The following ZRANB3 variants were observed in gnomAD, a reference collection of about 807,000 sequenced individuals.
ZRANB3 encodes zinc finger RANBP2-type containing 3, also known as DNA annealing helicase and endonuclease ZRANB3.
Under a neutral mutation model 133.8 loss-of-function variants are expected in ZRANB3, and 125 were observed. The ratio of observed to expected loss-of-function variants is 0.93; its 90% CI spans 0.81 to 1.08. The LOEUF is 1.08. ZRANB3 is among the 50% of genes least tolerant of loss of function. The probability of loss-of-function intolerance (pLI) is 0.00; values close to 1 mark genes in which losing one functional copy is unlikely to be tolerated. For synonymous variants in ZRANB3, 387 were observed against 432.7 expected (o/e 0.89, Z 1.31); for missense variants, 1,229 against 1,275.5 (o/e 0.96, Z 0.56).
At chr2:135,254,646 A>T (rs909105316) in intron 12 of ZRANB3, among the ~76,000 whole-genome samples, 3 of 152,160 alleles carry the variant, frequency 2.0e-5, no homozygotes, top group African/African-American at 7.2e-5. Context: ...CTTTATTGAG[A>T]TATAATCCAT....
intron 1 of ZRANB3, among the ~76,000 whole-genome samples, chr2:135,509,882 A>AT (rs1372714768): frequency 2.6e-5 from 4 of 152,208 alleles, no homozygotes; most frequent in African/African-American, 9.6e-5. Flanking sequence ...AATTTTAAAC[A>AT]TACCAGTGAG....
Position 135,202,872 on chromosome 2 carries a change from AG to A in ZRANB3, c.3100del (p.Leu1034TrpfsTer26), listed in dbSNP as rs1354575867. On this transcript the variant is annotated frameshift_variant, in exon 20 of 21. Coordinates refer to ENST00000264159, the MANE Select transcript of ZRANB3 (RefSeq NM_032143.4). LOFTEE classifies it high-confidence loss of function. ...TGTGCAGAGAGTCTGCAGGTTGTCCAGGGAACACTGTCCTCCTCCCCCATAC... is the reference window on the plus strand; with the variant it reads ...TGTGCAGAGAGTCTGCAGGTTGTCCAGGAACACTGTCCTCCTCCCCCATAC... ...PVYGGGGQCSLDNLQTLCTVC... is the reference protein window; with the variant it reads ...PVYGGGGQCSXDNLQTLCTVC... The A allele has an allele frequency of 1.2e-6, 2 of 1,610,766 alleles. No individual in the cohort carries two copies. Among genetic ancestry groups the A allele is most frequent in the Admixed American group, 3.4e-5 (2 of 59,618 alleles).
intron 8 of ZRANB3, among the ~76,000 whole-genome samples, chr2:135,298,550 G>A (rs960349020): frequency 6.6e-6 from 1 of 152,116 alleles, no homozygotes; most frequent in Non-Finnish European, 1.5e-5. Flanking sequence ...CCTAAAGATG[G>A]GCCTTCCTGA....
intron 3 of ZRANB3, among the ~76,000 whole-genome samples, chr2:135,371,249 C>T (rs575201096): frequency 1.3e-5 from 2 of 152,270 alleles, no homozygotes; most frequent in East Asian, 1.9e-4. Flanking sequence ...TCATAAAGAA[C>T]ATTTCACTTA....
intron 3 of ZRANB3, among the ~76,000 whole-genome samples, chr2:135,378,098 T>C (rs1342609771): frequency 6.6e-6 from 1 of 152,234 alleles, no homozygotes; most frequent in Non-Finnish European, 1.5e-5. Flanking sequence ...TTGTGGGACC[T>C]TGTGATCATG....
At chr2:135,514,051 G>C (rs1387943256) in intron 1 of ZRANB3, among the ~76,000 whole-genome samples, 1 of 152,178 alleles carries the variant, frequency 6.6e-6, no homozygotes, top group South Asian at 2.1e-4. Flanking sequence ...TTGTAGCACA[G>C]TTTGAAGTCA....
At chr2:135,525,720 T>G (rs1283224097) in intron 1 of ZRANB3, among the ~76,000 whole-genome samples, 1 of 151,726 alleles carries the variant, frequency 6.6e-6, no homozygotes, top group African/African-American at 2.4e-5. Flanking sequence ...TGGTGGTGCG[T>G]GCCTGTAATC....
chr2:135,486,551 G>A (rs993328829), intron 2 of ZRANB3, among the ~76,000 whole-genome samples: 4 of 148,096 alleles, frequency 2.7e-5, no homozygotes, highest in Non-Finnish European at 5.9e-5. Flanking sequence ...GTCTTGCTCT[G>A]TTGCATAGGT....
chr2:135,253,769 G>A (rs924835297), intron 12 of ZRANB3, among the ~76,000 whole-genome samples: 3 of 152,162 alleles, frequency 2.0e-5, no homozygotes, highest in African/African-American at 7.2e-5. Flanking sequence ...AACCTTATGA[G>A]ACTTCCATTG....
chr2:135,237,350 A>C (rs1417099391), intron 12 of ZRANB3, among the ~76,000 whole-genome samples: 1 of 151,828 alleles, frequency 6.6e-6, no homozygotes, highest in Non-Finnish European at 1.5e-5. Context: ...GTGGGACTGT[A>C]AACTAGTTCA....
intron 12 of ZRANB3, among the ~76,000 whole-genome samples, chr2:135,262,848 C>G (rs1280825130): frequency 1.3e-5 from 2 of 150,252 alleles, no homozygotes; most frequent in Admixed American, 1.3e-4. Flanking sequence ...ACAAATTTCT[C>G]TAATATATTA....
intron 2 of ZRANB3, among the ~76,000 whole-genome samples, chr2:135,428,426 CA>C (rs34645774): frequency 0.28 from 20,920 of 75,554 alleles, 1,583 homozygotes; most frequent in African/African-American, 0.45. Flanking sequence ...ACTTTGTTTC[CA>C]AAAAAAAAAA....
chr2:135,370,180 T>A (rs1411296364), intron 3 of ZRANB3, among the ~76,000 whole-genome samples: 1 of 151,922 alleles, frequency 6.6e-6, no homozygotes, highest in Non-Finnish European at 1.5e-5. Context: ...TTTTTTTTTT[T>A]AACTTTTTTA....
intron 6 of ZRANB3, among the ~76,000 whole-genome samples, chr2:135,316,934 C>T (rs1043813070): frequency 2.7e-5 from 4 of 147,372 alleles, no homozygotes; most frequent in Non-Finnish European, 4.4e-5. Context: ...CCACTGCACT[C>T]CAGCCTGGTG....
At chr2:135,296,685 T>C (rs1411602985) in intron 8 of ZRANB3, among the ~76,000 whole-genome samples, 3 of 152,282 alleles carry the variant, frequency 2.0e-5, no homozygotes, top group African/African-American at 7.2e-5. Context: ...GTTTTTCTGC[T>C]GTTTTTCCCC....
chr2:135,408,158 G>A (rs1052047072), intron 2 of ZRANB3, among the ~76,000 whole-genome samples: 2 of 151,644 alleles, frequency 1.3e-5, no homozygotes, highest in Non-Finnish European at 1.5e-5. Context: ...TCAAAAAGTG[G>A]GCAAAGGATA....
Position 135,230,739 on chromosome 2 carries a change from T to G in ZRANB3, c.1728A>C (p.Lys576Asn). ...DYESDVEPETKRLKLAASEDH... is the reference protein window; with the variant it reads ...DYESDVEPETNRLKLAASEDH... ...CTTCCGAGGCAGCCAATTTCAATCTTTTCGTTTCAGGTTCAACATCACTTT... is the reference window on the plus strand; with the variant it reads ...CTTCCGAGGCAGCCAATTTCAATCTGTTCGTTTCAGGTTCAACATCACTTT... Residue 576 changes from lysine to asparagine, a missense_variant, in exon 13 of 21, where the codon AAA (lysine) becomes AAC (asparagine). Lys to Asn is a moderately conservative substitution (Grantham distance 94). Coordinates refer to ENST00000264159, the MANE Select transcript of ZRANB3 (RefSeq NM_032143.4). 1.2e-6 allele frequency: 2 copies of G among 1,613,622 alleles called. No individual in the cohort carries two copies. The highest frequency in any genetic ancestry group is 1.7e-6 in the Non-Finnish European group (2 of 1,179,784).
intron 13 of ZRANB3, 39 bp from the exon 14 acceptor site, chr2:135,228,054 A>T: frequency 1.4e-6 from 2 of 1,437,686 alleles, no homozygotes; most frequent in Non-Finnish European, 1.9e-6. Flanking sequence ...GTAATAATTT[A>T]CATTTAAAAG....
chr2:135,204,906 A>G (rs1200285191), intron 19 of ZRANB3, among the ~76,000 whole-genome samples: 1 of 151,784 alleles, frequency 6.6e-6, no homozygotes, highest in East Asian at 1.9e-4. Flanking sequence ...ATTCCTGGAC[A>G]GGTTGCTTTC....
Sources: allele counts gnomAD v4.1 joint callset (sites outside exome capture counted in the v4.1 genomes callset), GRCh38; gene constraint gnomAD v4.1.1; transcripts MANE v1.5; gene names NCBI Gene and HGNC (gene_info 2026-07-23, HGNC 2026-07-21).